Variants in RSRC1 observed in about 807,000 individuals in gnomAD.
The protein encoded by RSRC1 is serine/Arginine-related protein 53.
In RSRC1, 39 loss-of-function variants were observed where a neutral mutation model predicts 49.1. The observed-to-expected ratio is 0.79, with a 90% CI of 0.61 to 1.04. The LOEUF (loss-of-function observed/expected upper bound fraction) is 1.04, where lower values mean the gene tolerates loss of function less well. Ranked by LOEUF, RSRC1 falls within the 50% of genes least tolerant of loss-of-function variation. RSRC1 has a pLI of 0.00. For missense variants in RSRC1, 388 were observed against 402.4 expected (o/e 0.96, Z 0.31); for synonymous variants, 143 against 130.8 (o/e 1.09, Z -0.63).
intron 6 of RSRC1, among the ~76,000 whole-genome samples, chr3:158,367,774 A>G (rs569464509): frequency 2.0e-4 from 30 of 152,156 alleles, no homozygotes; most frequent in African/African-American, 6.5e-4. Flanking sequence ...TTTTTTTTCA[A>G]TCAAGTATGG....
chr3:158,383,918 G>C (rs995068679), intron 6 of RSRC1, among the ~76,000 whole-genome samples: 2 of 150,670 alleles, frequency 1.3e-5, no homozygotes, highest in Non-Finnish European at 3.0e-5. Flanking sequence ...CACTATTTTT[G>C]GTATTAAAAA....
chr3:158,260,872 A>G (rs1373074492), intron 4 of RSRC1, among the ~76,000 whole-genome samples: 1 of 152,136 alleles, frequency 6.6e-6, no homozygotes, highest in Non-Finnish European at 1.5e-5. Context: ...AAGTCCCACA[A>G]TCACTGTACT....
chr3:158,293,700 T>A (rs1235649121), intron 4 of RSRC1, among the ~76,000 whole-genome samples: 1 of 152,124 alleles, frequency 6.6e-6, no homozygotes, highest in Admixed American at 6.6e-5. Context: ...TTCTTTTAAA[T>A]GATGTCTTTG....
rs547776326 is a variant in RSRC1 at position 158,417,354 on chromosome 3, AG to A, written c.584-43580del. Among the ~76,000 whole-genome samples, 12 of 152,198 alleles carry A rather than the reference AG, an allele frequency of 7.9e-5. No homozygotes were observed. The East Asian group carries it at 2.3e-3, about 30-fold the overall frequency. ...TTTCTGACAGCATTTTATTTATGTT[AG>A]AGAAATCTCTGCTTCACATGCAAAT... On this transcript the variant is annotated intron_variant, in intron 6 of 9. Transcript: ENST00000611884.
intron 3 of RSRC1, among the ~76,000 whole-genome samples, chr3:158,193,742 G>GA (rs1379598063): frequency 1.3e-5 from 2 of 151,934 alleles, no homozygotes; most frequent in Non-Finnish European, 2.9e-5. Flanking sequence ...AATTTAATCA[G>GA]AAAAGAATCA....
intron 4 of RSRC1, among the ~76,000 whole-genome samples, chr3:158,219,310 TCTC>T (rs757325729): frequency 9.2e-5 from 14 of 151,690 alleles, no homozygotes; most frequent in East Asian, 1.9e-4. Flanking sequence ...TTTCTTTCAT[TCTC>T]CTCCTCTTTT....
At position 158,238,946 on chromosome 3, in the gene RSRC1, G is replaced by C. The variant is rs1723402909; in HGVS notation, c.494+35701G>C. Among the ~76,000 whole-genome samples the C allele has an allele frequency of 2.6e-5, 4 of 152,204 alleles. No homozygotes were observed. The South Asian group carries it at 8.3e-4, about 32-fold the overall frequency. On this transcript the variant is annotated intron_variant, in intron 4 of 9. Transcript: ENST00000611884. ...TCTACAGGCAACCTACAGAATGGGA[G>C]AAATTTTTTGCAATCTACTCGTCTG...
chr3:158,186,544 G>T (rs977478958), intron 3 of RSRC1, among the ~76,000 whole-genome samples: 1 of 151,972 alleles, frequency 6.6e-6, no homozygotes, highest in Non-Finnish European at 1.5e-5. Context: ...ATTATCTGGT[G>T]TGAAAATTTA....
At chr3:158,376,001 A>T (rs938263169) in intron 6 of RSRC1, among the ~76,000 whole-genome samples, 1 of 128,216 alleles carries the variant, frequency 7.8e-6, no homozygotes, top group African/African-American at 5.3e-5. Flanking sequence ...CTGATTTCTG[A>T]ATTCTCTTTT....
intron 5 of RSRC1, among the ~76,000 whole-genome samples, chr3:158,304,064 C>T (rs968339152): frequency 7.9e-5 from 12 of 152,110 alleles, no homozygotes; most frequent in Admixed American, 1.3e-4. Context: ...CCACAGAAGT[C>T]TCATTTATGT....
chr3:158,487,946 C>CAAGGAAA (rs1738884835), intron 7 of RSRC1, among the ~76,000 whole-genome samples: 1 of 11,478 alleles, frequency 8.7e-5, no homozygotes, highest in Admixed American at 1.3e-3. Flanking sequence ...GACTCCATCT[C>CAAGGAAA]AAGAAAAAAA....
intron 3 of RSRC1, chr3:158,136,995 A>G (rs747557630): frequency 2.6e-5 from 4 of 152,216 alleles, no homozygotes; most frequent in Non-Finnish European, 4.4e-5. Flanking sequence ...TCTTTCATTT[A>G]CCTGAGGTAG....
intron 5 of RSRC1, among the ~76,000 whole-genome samples, chr3:158,353,913 A>G (rs1490279358): frequency 6.6e-6 from 1 of 151,540 alleles, no homozygotes; most frequent in African/African-American, 2.4e-5. Context: ...AATTCATGAT[A>G]TAATTTGTTG....
At chr3:158,420,785 A>G (rs1327756901) in intron 6 of RSRC1, among the ~76,000 whole-genome samples, 1 of 151,940 alleles carries the variant, frequency 6.6e-6, no homozygotes. Flanking sequence ...TAGCTAAAAC[A>G]AACTTTATTG....
intron 4 of RSRC1, among the ~76,000 whole-genome samples, chr3:158,232,302 T>A (rs1452155398): frequency 6.6e-6 from 1 of 152,184 alleles, no homozygotes; most frequent in Non-Finnish European, 1.5e-5. Context: ...AATCTTAACA[T>A]TTAGTTTAAG....
rs776776452 is a variant in RSRC1, at chr3:158,543,403, A to G, written c.828A>G (p.Pro276=). 6.2e-7 allele frequency: 1 copy of G among 1,610,356 alleles called. No individual in the cohort carries two copies. Among genetic ancestry groups the G allele is most frequent in the South Asian group, 1.1e-5 (1 of 90,224 alleles). ...TSGPASAVAD[P]PSTEKEIDPT... ...GACCAGCATCAGCAGTTGCTGATCC[A>G]CCCAGTACTGAAAAAGAAATAGATC... is the stretch of plus-strand genomic sequence containing the variant. Residue 276 remains proline, a synonymous_variant, in exon 9 of 10, where the codon CCA becomes CCG. Transcript: ENST00000611884.
chr3:158,528,237 G>A (rs564163757), intron 7 of RSRC1, among the ~76,000 whole-genome samples: 11 of 152,026 alleles, frequency 7.2e-5, no homozygotes, highest in East Asian at 3.9e-4. Context: ...TGAGCTCAGC[G>A]TAAAAGAATA....
intron 6 of RSRC1, among the ~76,000 whole-genome samples, chr3:158,379,361 C>T (rs374350178): frequency 6.6e-6 from 1 of 151,522 alleles, no homozygotes; most frequent in East Asian, 1.9e-4. Context: ...CCACCACGCC[C>T]GGCTAATTTT....
In RSRC1 at chr3:158,122,099, A is replaced by G. The variant is rs539955461; in HGVS notation, c.-2-4A>G. The G allele has an allele frequency of 2.0e-6, 3 of 1,477,724 alleles. No individual in the cohort carries two copies. The highest frequency in any genetic ancestry group is 2.9e-5 in the African/African-American group (2 of 69,088). 91.5% of individuals were successfully genotyped at this position (1,477,724 alleles called of 1,614,324 possible). On this transcript the variant is annotated splice_region_variant and splice_polypyrimidine_tract_variant and intron_variant, in intron 1 of 9. Transcript: ENST00000611884. Reference sequence around the variant, plus strand: ...AATAATATTCTTCAAATTTATGCTTATAGAAATGGGACGTCGGTCATCAGA... The same window carrying G: ...AATAATATTCTTCAAATTTATGCTTGTAGAAATGGGACGTCGGTCATCAGA...
Sources: gnomAD v4.1 joint callset for allele counts (sites outside exome capture counted in the v4.1 genomes callset) on GRCh38, gnomAD v4.1.1 for gene constraint, MANE v1.5 for transcripts, NCBI Gene and HGNC (gene_info 2026-07-23, HGNC 2026-07-21) for gene names.